The following PLEKHB2 variants were observed in gnomAD, a reference collection of about 807,000 sequenced individuals.
The protein encoded by PLEKHB2 is pleckstrin homology domain-containing family B member 2.
A neutral mutation model predicts 36.5 loss-of-function variants in PLEKHB2; 31 were observed. The observed-to-expected ratio is 0.85, with a 90% confidence interval of 0.64 to 1.15. PLEKHB2 has a LOEUF of 1.15. Ranked by LOEUF, PLEKHB2 falls within the 50% of genes most tolerant of loss-of-function variation. The probability of loss-of-function intolerance (pLI) is 0.00; values close to 1 mark genes in which losing one functional copy is unlikely to be tolerated. For synonymous variants in PLEKHB2, 119 were observed against 112.0 expected, an observed-to-expected ratio of 1.06 and a Z score of -0.39; for missense variants, 262 against 295.3, an observed-to-expected ratio of 0.89 and a Z score of 0.83.
intron 6 of PLEKHB2, among the ~76,000 whole-genome samples, chr2:131,137,149 G>C (rs1573615333): frequency 6.7e-6 from 1 of 149,052 alleles, no homozygotes; most frequent in Non-Finnish European, 1.5e-5. Context: ...GGGTTTCACT[G>C]TGTTAGCCAG....
At chr2:131,116,576 T>C (rs139633098) in intron 1 of PLEKHB2, among the ~76,000 whole-genome samples, 24 of 152,150 alleles carry the variant, frequency 1.6e-4, no homozygotes, top group Non-Finnish European at 3.2e-4. Flanking sequence ...GTGAACACAC[T>C]TATAAACAAG....
intron 6 of PLEKHB2, 30 bp from the exon 7 acceptor site, chr2:131,140,137 T>C (rs1330007948): frequency 7.4e-7 from 1 of 1,359,430 alleles, no homozygotes; most frequent in South Asian, 1.2e-5. Flanking sequence ...GTTTCACAAT[T>C]GTATTTCTAA....
intron 4 of PLEKHB2, among the ~76,000 whole-genome samples, chr2:131,128,344 T>C (rs1476140806): frequency 1.3e-5 from 2 of 151,626 alleles, no homozygotes; most frequent in African/African-American, 4.9e-5. Flanking sequence ...GAAGGAAAAA[T>C]AAGAAAAGGA....
chr2:131,127,329 A>G (rs1252297539), intron 4 of PLEKHB2, among the ~76,000 whole-genome samples: 2 of 152,120 alleles, frequency 1.3e-5, no homozygotes, highest in Non-Finnish European at 2.9e-5. Context: ...TGACAGCCAC[A>G]TCACTCCGGT....
At chr2:131,130,669 T>G (rs894900113) in intron 4 of PLEKHB2, 52 bp from the exon 5 acceptor site, 1 of 1,306,596 alleles carries the variant, frequency 7.7e-7, no homozygotes, top group Non-Finnish European at 1.1e-6. Context: ...GGTTTCAGAA[T>G]CATTGCAATG....
chr2:131,144,427 T>C lies in PLEKHB2; in HGVS notation c.533-2210T>C, dbSNP rs1198342741. The C allele has an allele frequency of 1.2e-5, 15 of 1,228,868 alleles. 1 individual carries two copies. In the East Asian group the frequency reaches 4.7e-4, roughly 39 times the overall value. The allele number at this position is 1,228,868 out of a possible 1,614,324, so 76.1% of individuals were successfully genotyped here. On this transcript the variant is annotated intron_variant, in intron 7 of 7. Coordinates refer to ENST00000693505, the MANE Select transcript of PLEKHB2 (RefSeq NM_001100623.2). ...TTGTAGAGACCATCCTCATGACACG[T>C]CATTGCACTGCAGTTTCCAGGGGTA... is the stretch of plus-strand genomic sequence containing the variant.
intron 2 of PLEKHB2, among the ~76,000 whole-genome samples, chr2:131,124,858 T>C (rs1696941448): frequency 6.6e-6 from 1 of 151,996 alleles, no homozygotes; most frequent in Non-Finnish European, 1.5e-5. Flanking sequence ...CGATCTTGGC[T>C]CACTGCAACC....
At chr2:131,125,301 G>A (rs1224664872) in intron 2 of PLEKHB2, among the ~76,000 whole-genome samples, 2 of 152,156 alleles carry the variant, frequency 1.3e-5, no homozygotes, top group African/African-American at 4.8e-5. Context: ...AACCCTAACC[G>A]GAAAGTGTTG....
chr2:131,110,446 G>A (rs961328406), intron 1 of PLEKHB2, among the ~76,000 whole-genome samples: 7 of 151,702 alleles, frequency 4.6e-5, no homozygotes, highest in African/African-American at 1.7e-4. Context: ...GATCATTCAT[G>A]GCTTACTGTG....
intron 4 of PLEKHB2, among the ~76,000 whole-genome samples, chr2:131,130,475 A>C (rs945855907): frequency 6.6e-6 from 1 of 152,246 alleles, no homozygotes; most frequent in African/African-American, 2.4e-5. Flanking sequence ...GTGGCAGTAC[A>C]TTTCACATTT....
chr2:131,111,936 G>A, intron 1 of PLEKHB2, among the ~76,000 whole-genome samples: 1 of 152,174 alleles, frequency 6.6e-6, no homozygotes, highest in Non-Finnish European at 1.5e-5. Flanking sequence ...ACTGTGAAAT[G>A]TTTATTTTGT....
chr2:131,115,341 C>CTTTTTTT (rs1179533654), intron 1 of PLEKHB2, among the ~76,000 whole-genome samples: 42 of 64,570 alleles, frequency 6.5e-4, no homozygotes, highest in Non-Finnish European at 1.1e-3. Flanking sequence ...GAAAGTATGT[C>CTTTTTTT]TTTTTTTTTT....
At chr2:131,132,123 G>A (rs1359477342) in intron 5 of PLEKHB2, among the ~76,000 whole-genome samples, 2 of 151,808 alleles carry the variant, frequency 1.3e-5, no homozygotes, top group African/African-American at 2.4e-5. Context: ...GAGCCATTGC[G>A]CCTGGCCACT....
intron 6 of PLEKHB2, among the ~76,000 whole-genome samples, chr2:131,137,656 A>T (rs1698402656): frequency 6.6e-6 from 1 of 152,238 alleles, no homozygotes; most frequent in African/African-American, 2.4e-5. Context: ...GCTCTTTTTG[A>T]TAGTTTACTA....
chr2:131,129,352 A>G (rs1019946132), intron 4 of PLEKHB2, among the ~76,000 whole-genome samples: 6 of 130,622 alleles, frequency 4.6e-5, no homozygotes, highest in Non-Finnish European at 8.3e-5. Context: ...AAAAAAAAAA[A>G]GAAAGCCAGA....
At chr2:131,145,045 T>C (rs1204364754) in intron 7 of PLEKHB2, among the ~76,000 whole-genome samples, 2 of 152,258 alleles carry the variant, frequency 1.3e-5, no homozygotes, top group Non-Finnish European at 2.9e-5. Flanking sequence ...TGTACTACTC[T>C]GTGCCTTTTG....
At chr2:131,139,573 T>C (rs963357961) in intron 6 of PLEKHB2, among the ~76,000 whole-genome samples, 9 of 152,200 alleles carry the variant, frequency 5.9e-5, no homozygotes, top group Non-Finnish European at 1.3e-4. Flanking sequence ...GATTTCAGTA[T>C]TTCTCAGCAC....
chr2:131,135,633 G>A (rs1317033815), intron 6 of PLEKHB2, among the ~76,000 whole-genome samples: 3 of 151,662 alleles, frequency 2.0e-5, no homozygotes, highest in Non-Finnish European at 2.9e-5. Context: ...ATGGAGTCTC[G>A]CTCTGTCACC....
intron 6 of PLEKHB2, among the ~76,000 whole-genome samples, chr2:131,139,088 G>A (rs562616273): frequency 6.6e-6 from 1 of 152,190 alleles, no homozygotes; most frequent in Non-Finnish European, 1.5e-5. Context: ...GTCTAAAAAT[G>A]TTCTGTCTTG....
Sources: gnomAD v4.1 joint callset for allele counts (sites outside exome capture counted in the v4.1 genomes callset) on GRCh38, gnomAD v4.1.1 for gene constraint, MANE v1.5 for transcripts, NCBI Gene and HGNC (gene_info 2026-07-23, HGNC 2026-07-21) for gene names.